GRID2: variants seen among roughly 807,000 people sequenced by gnomAD.
GRID2 encodes the protein glutamate receptor ionotropic, delta-2.
Under a neutral mutation model 114.8 loss-of-function variants are expected in GRID2, and 33 were observed. The observed-to-expected ratio is 0.29, with a 90% CI of 0.22 to 0.38. The LOEUF (loss-of-function observed/expected upper bound fraction) is 0.38, where lower values mean the gene tolerates loss of function less well. Ranked by LOEUF, GRID2 falls within the 10% of genes least tolerant of loss-of-function variation. The pLI, the probability that GRID2 is intolerant of heterozygous loss-of-function variation, is 1.00. For synonymous variants in GRID2, 505 were observed against 449.9 expected, an observed-to-expected ratio of 1.12 and a Z score of -1.55; for missense variants, 1,184 against 1,257.7, an observed-to-expected ratio of 0.94 and a Z score of 0.89.
At chr4:93,259,679 G>A (rs1218386620) in intron 8 of GRID2, among the ~76,000 whole-genome samples, 1 of 151,690 alleles carries the variant, frequency 6.6e-6, no homozygotes, top group Non-Finnish European at 1.5e-5. Context: ...TATTTCACAA[G>A]AAATGTGAAT....
chr4:92,352,527 C>T (rs1211122278), intron 1 of GRID2, among the ~76,000 whole-genome samples: 1 of 151,776 alleles, frequency 6.6e-6, no homozygotes. Flanking sequence ...TTTATCTAAT[C>T]CCATCAGTCA....
intron 2 of GRID2, among the ~76,000 whole-genome samples, chr4:93,070,542 C>T (rs758022880): frequency 2.0e-5 from 3 of 151,970 alleles, no homozygotes; most frequent in Non-Finnish European, 2.9e-5. Context: ...TGATCCAGCT[C>T]CTGCTGCCAA....
intron 13 of GRID2, among the ~76,000 whole-genome samples, chr4:93,528,982 A>G (rs1179684114): frequency 1.3e-5 from 2 of 152,276 alleles, no homozygotes; most frequent in East Asian, 3.9e-4. Context: ...TGATTTACCC[A>G]AGGCCACACA....
intron 14 of GRID2, among the ~76,000 whole-genome samples, chr4:93,743,641 G>A (rs552510797): frequency 3.7e-4 from 56 of 152,222 alleles, no homozygotes; most frequent in African/African-American, 1.3e-3. Context: ...GAATGTGCCA[G>A]ACTCTTTTTA....
chr4:93,376,747 C>G (rs981873775), intron 8 of GRID2, among the ~76,000 whole-genome samples: 7 of 152,114 alleles, frequency 4.6e-5, no homozygotes, highest in Admixed American at 4.6e-4. Flanking sequence ...CATGTTCTCA[C>G]TTATAAGTGG....
chr4:92,338,014 A>G (rs1392750888), intron 1 of GRID2, among the ~76,000 whole-genome samples: 1 of 152,150 alleles, frequency 6.6e-6, no homozygotes, highest in Non-Finnish European at 1.5e-5. Flanking sequence ...TTGCCTGTAC[A>G]TGGGATCTAG....
chr4:93,304,068 T>C (rs1390916418), intron 8 of GRID2, among the ~76,000 whole-genome samples: 1 of 151,550 alleles, frequency 6.6e-6, no homozygotes, highest in African/African-American at 2.4e-5. Flanking sequence ...AAAAGTACTT[T>C]AAAGGAAATT....
intron 2 of GRID2, among the ~76,000 whole-genome samples, chr4:92,882,692 AAAAC>A (rs1359548578): frequency 6.6e-6 from 1 of 152,232 alleles, no homozygotes; most frequent in African/African-American, 2.4e-5. Context: ...ATATTGCAAT[AAAAC>A]AAGTCACAAA....
At chr4:92,703,648 A>G (rs1048058069) in intron 2 of GRID2, among the ~76,000 whole-genome samples, 1 of 145,126 alleles carries the variant, frequency 6.9e-6, no homozygotes, top group Admixed American at 6.8e-5. Flanking sequence ...TATATATAAA[A>G]TCATGAGACT....
intron 8 of GRID2, among the ~76,000 whole-genome samples, chr4:93,320,762 G>C (rs1182051425): frequency 6.6e-6 from 1 of 151,880 alleles, no homozygotes; most frequent in African/African-American, 2.4e-5. Flanking sequence ...ACAATAGAAG[G>C]TGCCAAACAT....
intron 1 of GRID2, among the ~76,000 whole-genome samples, chr4:92,536,793 C>A (rs1355156505): frequency 6.6e-6 from 1 of 151,982 alleles, no homozygotes; most frequent in African/African-American, 2.4e-5. Flanking sequence ...ATAAATGCCC[C>A]CAAGAATGAC....
In GRID2 at chr4:93,471,715, T is replaced by TTTTTTTTTTTTTTTTTTTTTTTTTTTG. The variant is rs1724834423; in HGVS notation, c.1858+15741_1858+15742insTTTTTTTTTTTTTTTTTTTTTTTTTTG. ...TGAATTCAATTTTTTTTTTTTTTTT[T>TTTTTTTTTTTTTTTTTTTTTTTTTTTG]GGAGACGGAGTTTTTGCTCTTGTTG... On this transcript the variant is annotated intron_variant, in intron 11 of 15. Coordinates refer to ENST00000282020, the MANE Select transcript of GRID2 (RefSeq NM_001510.4). 2.3e-5 allele frequency among the ~76,000 whole-genome samples: 3 copies of TTTTTTTTTTTTTTTTTTTTTTTTTTTG among 128,372 alleles called. 1 individual carries two copies. The highest frequency in any genetic ancestry group is 4.9e-5 in the Non-Finnish European group (3 of 60,850). The allele number at this position is 128,372 out of a possible 152,430, so 84.2% of individuals were successfully genotyped here. A position where few individuals can be genotyped will look rare whatever the true frequency, so the allele number is the denominator to read the frequency against.
chr4:92,712,921 T>C (rs1386248541), intron 2 of GRID2, among the ~76,000 whole-genome samples: 1 of 152,098 alleles, frequency 6.6e-6, no homozygotes, highest in Admixed American at 6.6e-5. Flanking sequence ...GATAGAGGAA[T>C]GTTGAAAGTT....
chr4:92,977,370 A>C (rs1057511985), intron 2 of GRID2, among the ~76,000 whole-genome samples: 1 of 152,206 alleles, frequency 6.6e-6, no homozygotes, highest in East Asian at 1.9e-4. Context: ...AGGAAATACA[A>C]GGGTTCAAGG....
intron 2 of GRID2, among the ~76,000 whole-genome samples, chr4:92,939,973 G>T (rs1209391045): frequency 6.8e-6 from 1 of 147,156 alleles, no homozygotes; most frequent in African/African-American, 2.4e-5. Flanking sequence ...CTGTAGCCTT[G>T]TAGTATAGTT....
intron 1 of GRID2, among the ~76,000 whole-genome samples, chr4:92,441,081 T>C (rs879201567): frequency 1.5e-4 from 23 of 152,034 alleles, no homozygotes; most frequent in African/African-American, 3.1e-4. Flanking sequence ...GCTAAAACAG[T>C]AAGGTCAAGT....
chr4:93,382,987 T>A (rs551189882), intron 8 of GRID2, among the ~76,000 whole-genome samples: 45 of 152,000 alleles, frequency 3.0e-4, no homozygotes, highest in African/African-American at 1.0e-3. Context: ...AAATTTAAGG[T>A]CTTCTCAAGT....
Position 92,646,345 on chromosome 4 carries a change from T to G in GRID2, c.244+56059T>G, listed in dbSNP as rs138647400. Among the ~76,000 whole-genome samples the G allele has an allele frequency of 3.8e-3, 572 of 152,334 alleles. 7 individuals carry two copies. Among genetic ancestry groups the G allele is most frequent in the African/African-American group, 0.013 (538 of 41,582 alleles). ...TTTCAAAACTATTTTCTAGATACAA[T>G]TTCTTGTTCAGTTTGTGTATTGTCA... On this transcript the variant is annotated intron_variant, in intron 2 of 15. Transcript: ENST00000282020.
At position 93,102,356 on chromosome 4, in the gene GRID2, A is replaced by T. The variant is rs192933615; in HGVS notation, c.530-8392A>T. Among the ~76,000 whole-genome samples, 74 of 152,320 alleles carry T rather than the reference A, an allele frequency of 4.9e-4. 1 individual carries two copies. Among genetic ancestry groups the T allele is most frequent in the African/African-American group, 1.7e-3 (70 of 41,570 alleles). On this transcript the variant is annotated intron_variant, in intron 3 of 15. Coordinates refer to ENST00000282020, the MANE Select transcript of GRID2 (RefSeq NM_001510.4). ...AGAGACCTAGATATGCATAATAAGT[A>T]TTGACAAAATATCTTAGCATGGAAA...
Sources: gnomAD v4.1 joint callset for allele counts (sites outside exome capture counted in the v4.1 genomes callset) on GRCh38, gnomAD v4.1.1 for gene constraint, MANE v1.5 for transcripts, NCBI Gene and HGNC (gene_info 2026-07-23, HGNC 2026-07-21) for gene names.